Variants in SLC2A3 observed in about 807,000 individuals in gnomAD.
SLC2A3 encodes the protein solute carrier family 2, facilitated glucose transporter member 3.
A neutral mutation model predicts 46.4 loss-of-function variants in SLC2A3; 21 were observed. The ratio of observed to expected loss-of-function variants is 0.45; its 90% CI spans 0.32 to 0.65. The LOEUF is 0.65. SLC2A3 is among the 30% of genes least tolerant of loss of function. The pLI is 0.04. For missense variants in SLC2A3, 499 were observed against 623.3 expected, an observed-to-expected ratio of 0.80 and a Z score of 2.12; for synonymous variants, 213 against 239.4, an observed-to-expected ratio of 0.89 and a Z score of 1.02.
At chr12:7,922,018 A>G (rs993470483) in intron 9 of SLC2A3, among the ~76,000 whole-genome samples, 8 of 149,740 alleles carry the variant, frequency 5.3e-5, no homozygotes, top group Admixed American at 4.6e-4. Context: ...CTCCATCTCT[A>G]TTTATGAATT....
chr12:7,929,969 G>A, intron 5 of SLC2A3, 98 bp from the exon 6 acceptor site: 1 of 1,537,448 alleles, frequency 6.5e-7, no homozygotes, highest in Non-Finnish European at 8.7e-7. Flanking sequence ...ACGAGGTGAG[G>A]TGATGGGTAG....
chr12:7,930,419 A>T lies in SLC2A3; in HGVS notation c.673+61T>A, dbSNP rs1487905920. 6.6e-6 allele frequency: 10 copies of T among 1,508,218 alleles called. No individual in the cohort carries two copies. In the East Asian group the frequency reaches 2.0e-4, roughly 31 times the overall value. 93.4% of individuals were successfully genotyped at this position (1,508,218 alleles called of 1,614,324 possible). A position where few individuals can be genotyped will look rare whatever the true frequency, so the allele number is the denominator to read the frequency against. On this transcript the variant is annotated intron_variant, in intron 5 of 9. Transcript: ENST00000075120. ...TGTAACAGAAAGTAGGTCCAGTACAATCATCCCTAAAACAAACCACAACCA... is the reference window on the plus strand; with the variant it reads ...TGTAACAGAAAGTAGGTCCAGTACATTCATCCCTAAAACAAACCACAACCA...
Position 7,921,441 on chromosome 12 carries a change from G to C in SLC2A3, c.1463C>G (p.Pro488Arg). 1.2e-6 allele frequency: 2 copies of C among 1,613,994 alleles called. No individual in the cohort carries two copies. Among genetic ancestry groups the C allele is most frequent in the Non-Finnish European group, 1.7e-6 (2 of 1,179,914 alleles). ...GACATTGGTGGTGGTCTCCTTAGCA[G>C]GCTCGATGCTGTTCATCTCCATGAC... ...DGVMEMNSIE[P>R]AKETTTNV The change falls in exon 10 of 10, where the codon CCT becomes CGT. Residue 488 changes from proline (P) to arginine (R), a missense_variant. Transcript: ENST00000075120.
At chr12:7,931,091 C>T (rs890028677) in intron 4 of SLC2A3, among the ~76,000 whole-genome samples, 154 bp downstream of exon 4, 5 of 152,096 alleles carry the variant, frequency 3.3e-5, no homozygotes, top group African/African-American at 7.2e-5. Context: ...CCACAGCGCC[C>T]GGCCTCAGCC....
intron 9 of SLC2A3, among the ~76,000 whole-genome samples, 176 bp downstream of exon 9, chr12:7,922,645 T>G (rs1484490996): frequency 6.6e-6 from 1 of 152,028 alleles, no homozygotes. Context: ...AATTTCACCA[T>G]GTTGGCCAGG....
At chr12:7,933,957 CTG>C (rs759315614) in intron 1 of SLC2A3, 55 bp from the exon 2 acceptor site, 2 of 1,520,382 alleles carry the variant, frequency 1.3e-6, no homozygotes, top group African/African-American at 1.4e-5. Flanking sequence ...TGATTGATGA[CTG>C]TTTCTTATTA....
At position 7,931,444 on chromosome 12, in the gene SLC2A3, C is replaced by T. The variant is rs774844797; in HGVS notation, c.311G>A (p.Gly104Asp). 3 of 1,614,164 alleles carry T rather than the reference C, an allele frequency of 1.9e-6. No homozygotes were observed. Among genetic ancestry groups the T allele is most frequent in the Non-Finnish European group, 1.7e-6 (2 of 1,180,032 alleles). The change falls in exon 4 of 10, where the codon GGT (glycine) becomes GAT (aspartate). Residue 104 changes from glycine (G) to aspartate (D), a missense_variant. Coordinates refer to ENST00000075120, the MANE Select transcript of SLC2A3 (RefSeq NM_006931.3). ...TTTACACAGTCCCATAAAGCAGCCA[C>T]CAGTGACAGCCAACAGGTTGACAAT... is the stretch of plus-strand genomic sequence containing the variant. ...MLIVNLLAVT[G>D]GCFMGLCKVA...
intron 5 of SLC2A3, 139 bp from the exon 6 acceptor site, chr12:7,930,010 A>T (rs1946135427): frequency 2.7e-6 from 4 of 1,464,270 alleles, no homozygotes; most frequent in Admixed American, 5.4e-5. Flanking sequence ...TTTGAGACAG[A>T]GTTTCACTTT....
Position 7,923,646 on chromosome 12 carries a change from G to C in SLC2A3, c.1069-622C>G, listed in dbSNP as rs991563058. On this transcript the variant is annotated intron_variant, in intron 8 of 9. Coordinates refer to ENST00000075120, the MANE Select transcript of SLC2A3 (RefSeq NM_006931.3). Reference sequence around the variant, plus strand: ...AAATTTTTTTTTGTTTTTTTGTAGAGAAAGTTTCTTGCCATGTTGCGTAGG... The same window carrying C: ...AAATTTTTTTTTGTTTTTTTGTAGACAAAGTTTCTTGCCATGTTGCGTAGG... Among the ~76,000 whole-genome samples the C allele has an allele frequency of 1.8e-4, 28 of 151,958 alleles. 1 individual carries two copies. The highest frequency in any genetic ancestry group is 6.3e-4 in the African/African-American group (26 of 41,388).
intron 8 of SLC2A3, chr12:7,923,243 A>C: frequency 1.8e-5 from 9 of 497,202 alleles, no homozygotes; most frequent in Non-Finnish European, 2.8e-5. Context: ...ACAATAGCTC[A>C]CTGCATCATC....
rs760408072 is a variant in SLC2A3 at position 7,930,466 on chromosome 12, T to G, written c.673+14A>C. 6.2e-7 allele frequency: 1 copy of G among 1,610,956 alleles called. No homozygotes were observed. The highest frequency in any genetic ancestry group is 2.2e-5 in the East Asian group (1 of 44,846). On this transcript the variant is annotated intron_variant, in intron 5 of 9. Coordinates refer to ENST00000075120, the MANE Select transcript of SLC2A3 (RefSeq NM_006931.3). ...ACCATATAATTCATGTAGTAAGGTG[T>G]GAAGGATACTCACTCTGCTTAGCAT... is the stretch of plus-strand genomic sequence containing the variant.
intron 9 of SLC2A3, among the ~76,000 whole-genome samples, chr12:7,922,003 G>T (rs1946041314): frequency 6.6e-6 from 1 of 151,840 alleles, no homozygotes; most frequent in Non-Finnish European, 1.5e-5. Context: ...GACTAACCTG[G>T]GCAACTCCAT....
intron 1 of SLC2A3, among the ~76,000 whole-genome samples, chr12:7,935,125 G>A (rs1946198726): frequency 6.6e-6 from 1 of 152,060 alleles, no homozygotes; most frequent in Admixed American, 6.6e-5. Context: ...CACCACACCT[G>A]GCCCCTTATT....
At chr12:7,930,276 C>T (rs1157259248) in intron 5 of SLC2A3, 1 of 590,362 alleles carries the variant, frequency 1.7e-6, no homozygotes, top group East Asian at 3.2e-5. Flanking sequence ...CCATCACACC[C>T]TGCCTGATAG....
chr12:7,929,743 G>A lies in SLC2A3; in HGVS notation c.802C>T (p.Gln268Ter), dbSNP rs1460947999. The change falls in exon 6 of 10, where the codon CAG (glutamine) becomes TAG (stop). Residue 268 changes from glutamine to a stop codon, truncating the protein, a stop_gained. Transcript: ENST00000075120. LOFTEE classifies it high-confidence loss of function. ...LELFRVSSYR[Q>*]PIIISIVLQL... ...AGCACAATGGAAATGATGATGGGCT[G>A]TCGGTAGCTGGACACTCTAAAGAGC... 1.2e-6 allele frequency: 2 copies of A among 1,613,466 alleles called. No homozygotes were observed. The highest frequency in any genetic ancestry group is 1.1e-5 in the South Asian group (1 of 91,064).
intron 7 of SLC2A3, among the ~76,000 whole-genome samples, chr12:7,925,043 C>A (rs752413274): frequency 5.3e-4 from 81 of 152,224 alleles, no homozygotes; most frequent in Admixed American, 1.8e-3. Context: ...TTCCAGATAT[C>A]TGAACCCGTG....
chr12:7,932,844 G>A, intron 3 of SLC2A3, 143 bp downstream of exon 3: 1 of 1,231,212 alleles, frequency 8.1e-7, no homozygotes, highest in South Asian at 1.5e-5. Context: ...GTCATATTCG[G>A]GGCCAGTTGG....
In SLC2A3 at chr12:7,923,027, G is replaced by A; in HGVS notation, c.1069-3C>T. 3 of 1,611,450 alleles carry A rather than the reference G, an allele frequency of 1.9e-6. No homozygotes were observed. Among genetic ancestry groups the A allele is most frequent in the Middle Eastern group, 1.7e-4 (1 of 6,054 alleles). On this transcript the variant is annotated splice_polypyrimidine_tract_variant and splice_region_variant and intron_variant, in intron 8 of 9. Coordinates refer to ENST00000075120, the MANE Select transcript of SLC2A3 (RefSeq NM_006931.3). The stretch of plus-strand genomic sequence containing the variant: ...AAGCTCATCCCATTATAGTTATCCT[G>A]TAAGAGCAAGGAACAGAGAAAATTA...
chr12:7,930,463 G>T lies in SLC2A3; in HGVS notation c.673+17C>A, dbSNP rs746550980. 6.2e-6 allele frequency: 10 copies of T among 1,608,990 alleles called. No individual in the cohort carries two copies. Among genetic ancestry groups the T allele is most frequent in the Non-Finnish European group, 7.7e-6 (9 of 1,175,984 alleles). ...ACAACCATATAATTCATGTAGTAAG[G>T]TGTGAAGGATACTCACTCTGCTTAG... On this transcript the variant is annotated intron_variant, in intron 5 of 9. Transcript: ENST00000075120.
Sources: allele counts gnomAD v4.1 joint callset (sites outside exome capture counted in the v4.1 genomes callset), GRCh38; gene constraint gnomAD v4.1.1; transcripts MANE v1.5; gene names NCBI Gene and HGNC (gene_info 2026-07-23, HGNC 2026-07-21).